Variants in NSD1 observed in about 807,000 individuals in gnomAD.
NSD1 encodes the protein nuclear receptor binding SET domain protein 1, also known as histone-lysine N-methyltransferase, H3 lysine-36 specific.
NSD1 carries 26 observed loss-of-function variants against 242.7 expected under a neutral mutation model. The observed-to-expected ratio is 0.11, with a 90% CI of 0.08 to 0.15. The LOEUF (loss-of-function observed/expected upper bound fraction) is 0.15. Among genes scored for constraint, NSD1 ranks in the 10% least tolerant of loss-of-function variants. The pLI is 1.00. For synonymous variants in NSD1, 1,106 were observed against 1,178.1 expected (o/e 0.94, Z 1.25); for missense variants, 2,495 against 3,272.8 (o/e 0.76, Z 5.80).
intron 2 of NSD1, among the ~76,000 whole-genome samples, chr5:177,168,279 A>G (rs1759379045): frequency 6.6e-6 from 1 of 152,024 alleles, no homozygotes. Flanking sequence ...ACTTTATGAT[A>G]GGGTTTACTG....
intron 8 of NSD1, among the ~76,000 whole-genome samples, chr5:177,241,518 AAG>A (rs1247661035): frequency 2.0e-5 from 3 of 152,078 alleles, no homozygotes; most frequent in African/African-American, 7.2e-5. Context: ...CAAAAAAAAA[AAG>A]AAAAAATACT....
intron 17 of NSD1, among the ~76,000 whole-genome samples, chr5:177,274,934 G>A (rs1223228736): frequency 5.9e-5 from 9 of 151,542 alleles, no homozygotes; most frequent in Non-Finnish European, 8.8e-5. Flanking sequence ...GGGTTTCGCC[G>A]TGTTGGCCAG....
At chr5:177,237,511 T>C (rs116775905) in intron 6 of NSD1, among the ~76,000 whole-genome samples, 3,297 of 148,570 alleles carry the variant, frequency 0.022, 51 homozygotes, top group South Asian at 0.053. Context: ...ATATATATAA[T>C]GTAAATTTTA....
intron 19 of NSD1, among the ~76,000 whole-genome samples, chr5:177,282,846 G>A (rs1758999842): frequency 1.3e-5 from 2 of 151,950 alleles, no homozygotes; most frequent in Non-Finnish European, 2.9e-5. Flanking sequence ...TTTTTCTACA[G>A]GATTACAAGT....
chr5:177,266,518 G>A (rs1478010462), intron 14 of NSD1: 38 of 635,010 alleles, frequency 6.0e-5, no homozygotes, highest in South Asian at 1.4e-4. Context: ...CTCGACGTTC[G>A]GCTTCTCGCT....
At chr5:177,186,054 AT>A (rs1385833862) in intron 2 of NSD1, among the ~76,000 whole-genome samples, 5 of 109,494 alleles carry the variant, frequency 4.6e-5, no homozygotes, top group Non-Finnish European at 8.5e-5. Flanking sequence ...AATATATAAT[AT>A]AACATATAAT....
At chr5:177,185,225 T>G (rs569978132) in intron 2 of NSD1, among the ~76,000 whole-genome samples, 13 of 152,086 alleles carry the variant, frequency 8.5e-5, no homozygotes. Flanking sequence ...CCCAGTACTT[T>G]AGGAGGGCGA....
chr5:177,174,062 G>A (rs531442725), intron 2 of NSD1, among the ~76,000 whole-genome samples: 1 of 151,980 alleles, frequency 6.6e-6, no homozygotes, highest in South Asian at 2.1e-4. Flanking sequence ...CTCCTCCTTG[G>A]TCGTCAGAAA....
chr5:177,209,556 A>G, intron 4 of NSD1, 80 bp from the exon 5 acceptor site: 1 of 1,105,654 alleles, frequency 9.0e-7, no homozygotes, highest in Non-Finnish European at 1.3e-6. Flanking sequence ...GAATAAAAAA[A>G]AAAGCTTCTG....
intron 22 of NSD1, among the ~76,000 whole-genome samples, chr5:177,293,181 T>G (rs1264227329): frequency 6.6e-6 from 1 of 152,114 alleles, no homozygotes; most frequent in Non-Finnish European, 1.5e-5. Flanking sequence ...TGTAGTTGAT[T>G]TGAAGGTGGA....
At chr5:177,224,860 A>G (rs1764515495) in intron 5 of NSD1, among the ~76,000 whole-genome samples, 1 of 151,656 alleles carries the variant, frequency 6.6e-6, no homozygotes, top group South Asian at 2.1e-4. Context: ...TCTCTTTTAT[A>G]CCTATTTTGT....
intron 8 of NSD1, among the ~76,000 whole-genome samples, chr5:177,241,547 C>T (rs1765870767): frequency 6.6e-6 from 1 of 151,954 alleles, no homozygotes; most frequent in Non-Finnish European, 1.5e-5. Context: ...TATTTATCCT[C>T]ACCCTCTCTT....
chr5:177,192,275 A>G (rs1427925195), intron 3 of NSD1, among the ~76,000 whole-genome samples: 1 of 151,908 alleles, frequency 6.6e-6, no homozygotes, highest in Non-Finnish European at 1.5e-5. Context: ...TAGTGGTGCA[A>G]TCTCAGCTCA....
intron 2 of NSD1, among the ~76,000 whole-genome samples, chr5:177,141,476 G>A (rs1471677952): frequency 6.6e-6 from 1 of 150,904 alleles, no homozygotes; most frequent in Non-Finnish European, 1.5e-5. Flanking sequence ...GATTGCAGGC[G>A]CCCTCCACCA....
At chr5:177,279,171 A>C (rs1758637492) in intron 17 of NSD1, among the ~76,000 whole-genome samples, 1 of 152,194 alleles carries the variant, frequency 6.6e-6, no homozygotes, top group East Asian at 1.9e-4. Context: ...ATTTCATGCC[A>C]TTTATTTGCC....
Position 177,294,816 on chromosome 5 carries a change from T to G in NSD1, c.7448T>G (p.Met2483Arg), listed in dbSNP as rs1281384992. ...HQVTPQADEK[M>R]PVLESSSWPA... is the part of the protein sequence containing the mutation. ...GTCACACCACAGGCTGATGAGAAGA[T>G]GCCAGTGTTGGAGTCAAGTTCATGG... Residue 2483 changes from methionine to arginine, a missense_variant, in exon 23 of 23, where the codon ATG becomes AGG. Coordinates refer to ENST00000439151, the MANE Select transcript of NSD1 (RefSeq NM_022455.5). 9.3e-6 allele frequency: 15 copies of G among 1,612,750 alleles called. No individual in the cohort carries two copies. Among genetic ancestry groups the G allele is most frequent in the Non-Finnish European group, 1.3e-5 (15 of 1,180,036 alleles).
upstream of NSD1, among the ~76,000 whole-genome samples, chr5:177,132,772 C>G (rs1221226985): frequency 6.6e-6 from 1 of 151,910 alleles, no homozygotes; most frequent in Admixed American, 6.6e-5. The surrounding 1 kb of genome is among the most constrained non-coding windows in gnomAD (Gnocchi z 7.5). Context: ...GAGCCGCTCA[C>G]CCCGCACGGC....
chr5:177,187,601 A>G (rs1272297448), intron 2 of NSD1, among the ~76,000 whole-genome samples: 3 of 152,174 alleles, frequency 2.0e-5, no homozygotes, highest in Non-Finnish European at 4.4e-5. Flanking sequence ...TACAAACTCA[A>G]GTTGTCAGCA....
chr5:177,208,990 C>T (rs571679842), intron 4 of NSD1, among the ~76,000 whole-genome samples: 2 of 152,166 alleles, frequency 1.3e-5, no homozygotes, highest in South Asian at 4.2e-4. Context: ...GCCACACACC[C>T]GGCCAAGTAT....
Sources: allele counts gnomAD v4.1 joint callset (sites outside exome capture counted in the v4.1 genomes callset), GRCh38; gene constraint gnomAD v4.1.1; non-coding constraint Gnocchi (gnomAD v3.1); transcripts MANE v1.5; gene names NCBI Gene and HGNC (gene_info 2026-07-23, HGNC 2026-07-21).